The following BLOC1S5 variants were observed in gnomAD, a reference collection of about 807,000 sequenced individuals.
BLOC1S5 encodes the protein biogenesis of lysosomal organelles complex 1 subunit 5, also known as biogenesis of lysosome-related organelles complex 1 subunit 5.
In BLOC1S5, 27 loss-of-function variants were observed where a neutral mutation model predicts 24.3. The observed-to-expected ratio is 1.11, with a 90% CI of 0.82 to 1.53. The LOEUF (loss-of-function observed/expected upper bound fraction) is 1.53. Among genes scored for constraint, BLOC1S5 ranks in the 40% most tolerant of loss-of-function variants. The pLI, the probability that BLOC1S5 is intolerant of heterozygous loss-of-function variation, is 0.00. For synonymous variants in BLOC1S5, 84 were observed against 74.5 expected, an observed-to-expected ratio of 1.13 and a Z score of -0.66; for missense variants, 239 against 229.4, an observed-to-expected ratio of 1.04 and a Z score of -0.27.
intron 3 of BLOC1S5, among the ~76,000 whole-genome samples, chr6:8,039,969 C>G (rs1763622328): frequency 6.6e-6 from 1 of 152,158 alleles, no homozygotes; most frequent in Non-Finnish European, 1.5e-5. Context: ...AGCCTCCGAG[C>G]ACCACATGGT....
intron 2 of BLOC1S5, among the ~76,000 whole-genome samples, chr6:8,051,969 C>CTTTTT (rs770301308): frequency 1.8e-5 from 2 of 110,038 alleles, no homozygotes; most frequent in Non-Finnish European, 3.6e-5. Flanking sequence ...ACATCCATGC[C>CTTTTT]TTTTTTTTTT....
At chr6:8,039,159 TTATTA>T (rs1162190438) in intron 3 of BLOC1S5, among the ~76,000 whole-genome samples, 1 of 152,182 alleles carries the variant, frequency 6.6e-6, no homozygotes, top group Non-Finnish European at 1.5e-5. Flanking sequence ...GAACTAGATG[TTATTA>T]TGTTAAGTGA....
chr6:8,030,117 G>A (rs771154152), intron 3 of BLOC1S5, among the ~76,000 whole-genome samples: 1 of 152,034 alleles, frequency 6.6e-6, no homozygotes, highest in Non-Finnish European at 1.5e-5. Context: ...TGATCTCCAG[G>A]ATAACACAGA....
At chr6:8,020,510 A>C (rs1762882528) in intron 4 of BLOC1S5, among the ~76,000 whole-genome samples, 1 of 152,214 alleles carries the variant, frequency 6.6e-6, no homozygotes, top group African/African-American at 2.4e-5. Flanking sequence ...AGTTACCTCC[A>C]GATTCCAGAG....
chr6:8,042,636 T>A (rs369228455), intron 2 of BLOC1S5, among the ~76,000 whole-genome samples: 50 of 152,292 alleles, frequency 3.3e-4, no homozygotes, highest in African/African-American at 1.1e-3. Context: ...TTTTTGTGAT[T>A]TTTTTTCTTT....
rs879517561 is a variant in BLOC1S5 at position 8,030,320 on chromosome 6, C to T, written c.326-3895G>A. ...GACTACAGGCATGCACCACCACGCC[C>T]GGCTAATTTTTGTATTCTTAATAGA... On this transcript the variant is annotated intron_variant, in intron 3 of 4. Transcript: ENST00000397457. 8.6e-5 allele frequency among the ~76,000 whole-genome samples: 13 copies of T among 151,806 alleles called. No individual in the cohort carries two copies. In the South Asian group the frequency reaches 1.7e-3, roughly 20 times the overall value.
At chr6:8,054,674 C>T (rs1764253035) in intron 2 of BLOC1S5, among the ~76,000 whole-genome samples, 1 of 152,218 alleles carries the variant, frequency 6.6e-6, no homozygotes, top group Admixed American at 6.5e-5. Context: ...TGTCTGGATG[C>T]CCAGAGGACT....
intron 3 of BLOC1S5, among the ~76,000 whole-genome samples, chr6:8,031,523 T>C (rs1303670740): frequency 1.3e-5 from 2 of 152,144 alleles, no homozygotes; most frequent in African/African-American, 4.8e-5. Context: ...AGAATAAATA[T>C]TGTGAAATGT....
At chr6:8,026,103 A>G (rs554776066) in intron 4 of BLOC1S5, among the ~76,000 whole-genome samples, 2 of 152,288 alleles carry the variant, frequency 1.3e-5, no homozygotes, top group African/African-American at 4.8e-5. Context: ...TAAAAGTCCT[A>G]ATTTCTCTCT....
chr6:8,022,505 A>G (rs1762945816), intron 4 of BLOC1S5, among the ~76,000 whole-genome samples: 1 of 151,798 alleles, frequency 6.6e-6, no homozygotes, highest in South Asian at 2.1e-4. Flanking sequence ...CAGTATAACA[A>G]CTGCCAAAAA....
At chr6:8,033,926 G>C (rs1040109162) in intron 3 of BLOC1S5, among the ~76,000 whole-genome samples, 1 of 152,168 alleles carries the variant, frequency 6.6e-6, no homozygotes, top group Non-Finnish European at 1.5e-5. Flanking sequence ...AAACCACAAT[G>C]AGATGCCATC....
intron 3 of BLOC1S5, among the ~76,000 whole-genome samples, chr6:8,037,892 G>C (rs58254286): frequency 2.0e-5 from 3 of 152,112 alleles, no homozygotes; most frequent in Admixed American, 6.5e-5. Context: ...CAGGCTCTTC[G>C]ATAACCAGTG....
chr6:8,046,760 C>CG (rs1554139661), intron 2 of BLOC1S5, among the ~76,000 whole-genome samples: 1 of 151,100 alleles, frequency 6.6e-6, no homozygotes, highest in African/African-American at 2.4e-5. Flanking sequence ...CAACCTGTAT[C>CG]TTTTTTTTTG....
At chr6:8,033,531 G>A (rs1763375984) in intron 3 of BLOC1S5, among the ~76,000 whole-genome samples, 1 of 152,156 alleles carries the variant, frequency 6.6e-6, no homozygotes, top group Non-Finnish European at 1.5e-5. Context: ...AACCCTAGAA[G>A]AAAACCTAGG....
chr6:8,045,718 C>T (rs922623411), intron 2 of BLOC1S5, among the ~76,000 whole-genome samples: 1 of 152,176 alleles, frequency 6.6e-6, no homozygotes, highest in South Asian at 2.1e-4. Flanking sequence ...AATTTGATTG[C>T]CCCACTGGAT....
In BLOC1S5 at chr6:8,035,119, C is replaced by T. The variant is rs913559264; in HGVS notation, c.325+6020G>A. 5.3e-5 allele frequency among the ~76,000 whole-genome samples: 8 copies of T among 152,040 alleles called. No individual in the cohort carries two copies. The East Asian group carries it at 7.7e-4, about 15-fold the overall frequency. On this transcript the variant is annotated intron_variant, in intron 3 of 4. Transcript: ENST00000397457. The stretch of plus-strand genomic sequence containing the variant: ...AGAAAACCAAACGTCGTTATGTTCT[C>T]GCTTATAAGTGGGAGCTAAGCTATG...
At chr6:8,035,769 T>G (rs532583321) in intron 3 of BLOC1S5, among the ~76,000 whole-genome samples, 47 of 152,214 alleles carry the variant, frequency 3.1e-4, no homozygotes, top group African/African-American at 8.9e-4. Flanking sequence ...AAGGGAGAGA[T>G]AGAATGCAAT....
chr6:8,062,627 A>G lies in BLOC1S5; in HGVS notation c.113-11T>C. The G allele has an allele frequency of 6.4e-7, 1 of 1,560,598 alleles. No individual in the cohort carries two copies. The highest frequency in any genetic ancestry group is 8.8e-7 in the Non-Finnish European group (1 of 1,138,422). On this transcript the variant is annotated splice_polypyrimidine_tract_variant and intron_variant, in intron 1 of 4. Coordinates refer to ENST00000397457, the MANE Select transcript of BLOC1S5 (RefSeq NM_201280.3). ...GAATTTCTCCAAGATCTATAAAGAT[A>G]AAATGAAATTCAGGGTTAATCCATG...
chr6:8,018,985 A>C lies in BLOC1S5; in HGVS notation c.385-3157T>G, dbSNP rs74622131. ...CCATTTGGCTACAAGAACAGTCTTT[A>C]AGACGCTGCAATATATTAGTGAATA... On this transcript the variant is annotated intron_variant, in intron 4 of 4. Coordinates refer to ENST00000397457, the MANE Select transcript of BLOC1S5 (RefSeq NM_201280.3). Among the ~76,000 whole-genome samples, 263 of 152,380 alleles carry C rather than the reference A, an allele frequency of 1.7e-3. 3 individuals are homozygous for C. The highest frequency in any genetic ancestry group is 6.2e-3 in the African/African-American group (256 of 41,592).
Sources: allele counts gnomAD v4.1 joint callset (sites outside exome capture counted in the v4.1 genomes callset), GRCh38; gene constraint gnomAD v4.1.1; transcripts MANE v1.5; gene names NCBI Gene and HGNC (gene_info 2026-07-23, HGNC 2026-07-21).